FBXO43: variants seen among roughly 807,000 people sequenced by gnomAD.
The protein encoded by FBXO43 is F-box only protein 43.
In FBXO43, 22 loss-of-function variants were observed where a neutral mutation model predicts 56.7. The ratio of observed to expected loss-of-function variants is 0.39; its 90% CI spans 0.28 to 0.55. The LOEUF is 0.55. Among genes scored for constraint, FBXO43 ranks in the 20% least tolerant of loss-of-function variants. The probability of loss-of-function intolerance (pLI) is 0.66; values close to 1 mark genes in which losing one functional copy is unlikely to be tolerated. For synonymous variants in FBXO43, 306 were observed against 294.5 expected (o/e 1.04, Z -0.40); for missense variants, 733 against 814.9 (o/e 0.90, Z 1.22).
upstream of FBXO43, among the ~76,000 whole-genome samples, chr8:100,147,805 T>C (rs947865655): frequency 7.2e-5 from 11 of 152,164 alleles, no homozygotes; most frequent in Non-Finnish European, 1.5e-4. Flanking sequence ...ATAAGATGCA[T>C]TTAGTGTGAG....
At chr8:100,142,616 T>A (rs1012285271) in intron 1 of FBXO43, among the ~76,000 whole-genome samples, 8 of 151,668 alleles carry the variant, frequency 5.3e-5, no homozygotes, top group African/African-American at 1.9e-4. Context: ...ACCTTGGGAA[T>A]GTGTCAAATA....
At position 100,140,758 on chromosome 8, in the gene FBXO43, G is replaced by T. The variant is rs1252762696; in HGVS notation, c.1496C>A (p.Thr499Lys). The T allele has an allele frequency of 6.2e-7, 1 of 1,613,608 alleles. No homozygotes were observed. The highest frequency in any genetic ancestry group is 8.5e-7 in the Non-Finnish European group (1 of 1,179,708). Residue 499 changes from threonine to lysine, a missense_variant, in exon 2 of 5, where the codon ACA becomes AAA. Coordinates refer to ENST00000428847, the MANE Select transcript of FBXO43 (RefSeq NM_001029860.4). ...KMGIEKLDIL[T>K]ELKYRNLKHI... ...CTTTAAATTTCTATATTTTAATTCTGTTAAGATGTCCAGTTTTTCTATACC... is the reference window on the plus strand; with the variant it reads ...CTTTAAATTTCTATATTTTAATTCTTTTAAGATGTCCAGTTTTTCTATACC...
intron 3 of FBXO43, among the ~76,000 whole-genome samples, chr8:100,135,097 C>T (rs776300703): frequency 1.4e-4 from 21 of 152,082 alleles, no homozygotes; most frequent in Non-Finnish European, 2.4e-4. Context: ...TACACTAGAA[C>T]GGAAGTGTAA....
chr8:100,134,835 T>C (rs16897979), intron 3 of FBXO43, among the ~76,000 whole-genome samples: 6,023 of 152,076 alleles, frequency 0.04, 159 homozygotes, highest in Middle Eastern at 0.078. Flanking sequence ...TAATAATACA[T>C]TAGAATAGTT....
chr8:100,135,047 A>G (rs1814428879), intron 3 of FBXO43, among the ~76,000 whole-genome samples: 1 of 152,232 alleles, frequency 6.6e-6, no homozygotes. Context: ...AATAAAAGAG[A>G]GAGAAAAAAC....
rs750872119 is a variant in FBXO43, at chr8:100,134,256, GCTCT to G, written c.1779_1782del (p.Arg593SerfsTer13). On this transcript the variant is annotated frameshift_variant, in exon 4 of 5. Transcript: ENST00000428847. LOFTEE classifies it high-confidence loss of function. ...CCCCAGGGAGATAATGTTGACCCTT[GCTCT>G]CTCTGAGAACCAGGTATCCTAGCCT... 8 of 1,613,980 alleles carry G rather than the reference GCTCT, an allele frequency of 5.0e-6. No individual in the cohort carries two copies. In the Admixed American group the frequency reaches 6.7e-5, roughly 13 times the overall value.
In FBXO43 at chr8:100,142,085, C is replaced by T; in HGVS notation, c.169G>A (p.Val57Ile). The stretch of plus-strand genomic sequence containing the variant: ...CTGAAGGTGGAGTACTTGGAGTTGA[C>T]AATTGGAGGAGAGTCCGCCCCATTT... ...AGNGADSPPI[V>I]NSKYSTFRDF... Residue 57 changes from valine (V) to isoleucine (I), a missense_variant, in exon 2 of 5, where the codon GTC (valine) becomes ATC (isoleucine). By Grantham distance (29) the Val-to-Ile change is conservative. Coordinates refer to ENST00000428847, the MANE Select transcript of FBXO43 (RefSeq NM_001029860.4). The T allele has an allele frequency of 1.2e-6, 2 of 1,613,368 alleles. No individual in the cohort carries two copies. The highest frequency in any genetic ancestry group is 1.7e-6 in the Non-Finnish European group (2 of 1,179,718).
chr8:100,139,040 T>G (rs1340454287), intron 2 of FBXO43, among the ~76,000 whole-genome samples: 2 of 152,212 alleles, frequency 1.3e-5, no homozygotes, highest in Non-Finnish European at 2.9e-5. Flanking sequence ...CCAGAAAGCC[T>G]TAAACCTTAA....
At chr8:100,138,146 G>T (rs534527276) in intron 2 of FBXO43, among the ~76,000 whole-genome samples, 1 of 152,046 alleles carries the variant, frequency 6.6e-6, no homozygotes, top group Non-Finnish European at 1.5e-5. Context: ...ATTATGGGTC[G>T]CACCACAGAG....
At position 100,133,605 on chromosome 8, in the gene FBXO43, T is replaced by C. The variant is rs373780015; in HGVS notation, c.*197A>G. On this transcript the variant is annotated 3_prime_UTR_variant, in exon 5 of 5. Coordinates refer to ENST00000428847, the MANE Select transcript of FBXO43 (RefSeq NM_001029860.4). ...TAAAATACCAAGTTATTAAAATGGG[T>C]AAAATGACATAGTAAAATAAAATTT... The C allele has an allele frequency of 4.0e-6, 2 of 501,148 alleles. No individual in the cohort carries two copies. The highest frequency in any genetic ancestry group is 3.4e-5 in the East Asian group (1 of 29,222). The allele number at this position is 501,148 out of a possible 1,614,324, so 31.0% of individuals were successfully genotyped here.
At chr8:100,140,362 T>C (rs940381961) in intron 2 of FBXO43, among the ~76,000 whole-genome samples, 8 of 151,988 alleles carry the variant, frequency 5.3e-5, no homozygotes, top group Non-Finnish European at 1.0e-4. Context: ...CCCAGCTACT[T>C]GGGAGGCTGA....
intron 1 of FBXO43, among the ~76,000 whole-genome samples, chr8:100,144,329 T>C (rs1025043012): frequency 4.0e-5 from 6 of 150,594 alleles, no homozygotes; most frequent in Non-Finnish European, 7.4e-5. Flanking sequence ...CTGGGTAACA[T>C]AGTGAGACCC....
intron 1 of FBXO43, among the ~76,000 whole-genome samples, chr8:100,143,974 G>T (rs1050883398): frequency 2.0e-5 from 3 of 152,196 alleles, no homozygotes; most frequent in African/African-American, 7.2e-5. Context: ...CTTTCGCCAT[G>T]TTGGCCAGGC....
upstream of FBXO43, among the ~76,000 whole-genome samples, chr8:100,148,205 T>C (rs1004222734): frequency 6.6e-6 from 1 of 151,376 alleles, no homozygotes; most frequent in Admixed American, 6.6e-5. Context: ...TAATTTATTT[T>C]TCTTGAGATA....
chr8:100,140,669 C>T lies in FBXO43; in HGVS notation c.1571+14G>A. ...AAAAGAAGTTTTATTTCATAAACAACTCTTACTTCTTACCTGCATAGGCTC... is the reference window on the plus strand; with the variant it reads ...AAAAGAAGTTTTATTTCATAAACAATTCTTACTTCTTACCTGCATAGGCTC... On this transcript the variant is annotated intron_variant, in intron 2 of 4. Coordinates refer to ENST00000428847, the MANE Select transcript of FBXO43 (RefSeq NM_001029860.4). The T allele has an allele frequency of 6.5e-7, 1 of 1,542,018 alleles. No individual in the cohort carries two copies. The highest frequency in any genetic ancestry group is 8.7e-7 in the Non-Finnish European group (1 of 1,150,118).
chr8:100,136,855 A>T (rs919282683), intron 3 of FBXO43: 2 of 152,232 alleles, frequency 1.3e-5, no homozygotes, highest in Admixed American at 1.3e-4. Flanking sequence ...GCTCCAAAAG[A>T]GCAGGAACCA....
At chr8:100,144,056 A>G (rs1013708491) in intron 1 of FBXO43, among the ~76,000 whole-genome samples, 1 of 152,230 alleles carries the variant, frequency 6.6e-6, no homozygotes, top group Non-Finnish European at 1.5e-5. Context: ...TACAGGCAAT[A>G]GCCAACGCGC....
upstream of FBXO43, among the ~76,000 whole-genome samples, chr8:100,148,282 T>C (rs868863220): frequency 1.3e-5 from 2 of 152,220 alleles, no homozygotes; most frequent in South Asian, 4.1e-4. Flanking sequence ...GAAGAATCAT[T>C]GTCACCTCTC....
At chr8:100,149,580 G>C (rs1814883930), upstream of FBXO43, among the ~76,000 whole-genome samples, 1 of 152,160 alleles carries the variant, frequency 6.6e-6, no homozygotes, top group Non-Finnish European at 1.5e-5. Context: ...TTTCCTGAAG[G>C]GTTTTTAAAT....
Sources: allele counts gnomAD v4.1 joint callset (sites outside exome capture counted in the v4.1 genomes callset), GRCh38; gene constraint gnomAD v4.1.1; transcripts MANE v1.5; gene names NCBI Gene and HGNC (gene_info 2026-07-23, HGNC 2026-07-21).